The following DENND4C variants were observed in gnomAD, a reference collection of about 807,000 sequenced individuals.
The protein encoded by DENND4C is DENN domain containing 4C.
Under a neutral mutation model 203.0 loss-of-function variants are expected in DENND4C, and 108 were observed. The observed-to-expected ratio is 0.53, with a 90% CI of 0.46 to 0.62. The LOEUF is 0.62. Among genes scored for constraint, DENND4C ranks in the 20% least tolerant of loss-of-function variants. The probability of loss-of-function intolerance (pLI) is 0.00; values close to 1 mark genes in which losing one functional copy is unlikely to be tolerated. For missense variants in DENND4C, 2,481 were observed against 2,301.2 expected (o/e 1.08, Z -1.60); for synonymous variants, 871 against 792.4 (o/e 1.10, Z -1.67).
At position 19,326,091 on chromosome 9, in the gene DENND4C, A is replaced by G; in HGVS notation, c.2017A>G (p.Arg673Gly). Residue 673 changes from arginine to glycine, a missense_variant, in exon 15 of 33, where the codon AGA (arginine) becomes GGA (glycine). By Grantham distance (125) the Arg-to-Gly change is moderately radical. Around this residue, in one of 3 missense-constraint regions of DENND4C, gnomAD observed 2,289 missense variants for 2,113.3 expected, o/e 1.08. Coordinates refer to ENST00000434457, the MANE Select transcript of DENND4C (RefSeq NM_001330640.2). ...KVDFDSAEDT[R>G]LIELDDSQKS... ...TGATTTTGATTCAGCAGAAGATACC[A>G]GATTGATAGAACTAGATGATTCACA... 6.2e-7 allele frequency: 1 copy of G among 1,612,026 alleles called. No individual in the cohort carries two copies. The highest frequency in any genetic ancestry group is 1.1e-5 in the South Asian group (1 of 90,340).
At chr9:19,252,047 G>A (rs541606651) in intron 1 of DENND4C, among the ~76,000 whole-genome samples, 13 of 152,230 alleles carry the variant, frequency 8.5e-5, no homozygotes, top group African/African-American at 2.9e-4. Context: ...TACTGTATTA[G>A]TCTGTTCTCA....
rs1483957240 is a variant in DENND4C at position 19,341,057 on chromosome 9, G to C, written c.2947G>C (p.Val983Leu). 6.2e-7 allele frequency: 1 copy of C among 1,613,030 alleles called. No homozygotes were observed. The highest frequency in any genetic ancestry group is 1.3e-5 in the African/African-American group (1 of 74,990). Residue 983 changes from valine (V) to leucine (L), a missense_variant, in exon 21 of 33, where the codon GTG becomes CTG. Val to Leu is a conservative substitution (Grantham distance 32). This residue lies in a region of DENND4C where 2,289 missense variants were observed against 2,113.3 expected (regional missense o/e 1.08). Transcript: ENST00000434457. ...TATAAAGGATGATGCAGAAATTCAT[G>C]TGCCTGAAGAACAGGCAGCAAGAGA... ...ELIKDDAEIH[V>L]PEEQAARELI... is the part of the protein sequence containing the mutation.
At chr9:19,310,352 A>C (rs1208279314) in intron 10 of DENND4C, among the ~76,000 whole-genome samples, 2 of 152,218 alleles carry the variant, frequency 1.3e-5, no homozygotes, top group Admixed American at 6.5e-5. Context: ...AGTTTGTCAT[A>C]AAGTATGATT....
At chr9:19,304,063 C>G (rs1307943278) in intron 9 of DENND4C, among the ~76,000 whole-genome samples, 3 of 148,036 alleles carry the variant, frequency 2.0e-5, no homozygotes, top group East Asian at 3.9e-4. Context: ...AAAAAAAAAA[C>G]CCACAAATGA....
chr9:19,258,548 A>T (rs937390516), intron 1 of DENND4C, among the ~76,000 whole-genome samples: 4 of 152,226 alleles, frequency 2.6e-5, no homozygotes, highest in African/African-American at 9.6e-5. Flanking sequence ...TAACTTGAAA[A>T]TCAATGTAAT....
intron 5 of DENND4C, among the ~76,000 whole-genome samples, 179 bp downstream of exon 5, chr9:19,291,055 C>A (rs1167494683): frequency 1.3e-5 from 2 of 152,126 alleles, no homozygotes; most frequent in East Asian, 3.8e-4. Flanking sequence ...GATATTGATA[C>A]CTCTGGAACT....
chr9:19,366,472 CG>C (rs1467393999), intron 30 of DENND4C, among the ~76,000 whole-genome samples: 2 of 152,048 alleles, frequency 1.3e-5, no homozygotes, highest in African/African-American at 4.8e-5. Context: ...GGCGTGGTGG[CG>C]GGTACCTGTA....
chr9:19,319,347 T>TACAC (rs1389576345), intron 12 of DENND4C, among the ~76,000 whole-genome samples: 8 of 43,558 alleles, frequency 1.8e-4, no homozygotes, highest in East Asian at 1.1e-3. Context: ...CACATATATA[T>TACAC]ATACTTATAT....
rs140252609 is a variant in DENND4C, at chr9:19,298,107, G to A, written c.1092G>A (p.Pro364=). 5.3e-5 allele frequency: 85 copies of A among 1,609,222 alleles called. No homozygotes were observed. Among genetic ancestry groups the A allele is most frequent in the African/African-American group, 2.5e-4 (19 of 74,784 alleles). Residue 364 remains proline, a synonymous_variant, in exon 7 of 33, where the codon CCG becomes CCA. Transcript: ENST00000434457. ...TCCCTTTTCCTTCACCACAAAGACC[G>A]AGAATCCTTGTCCAGGTAATCAAAA... The part of the protein sequence containing the change: ...QNIPFPSPQR[P]RILVQLSVHD...
intron 31 of DENND4C, 89 bp downstream of exon 31, chr9:19,370,076 CGAA>C (rs1277855367): frequency 8.2e-6 from 12 of 1,455,152 alleles, no homozygotes; most frequent in South Asian, 3.5e-5. Context: ...CTCTAGTTGT[CGAA>C]GAAACACATA....
intron 1 of DENND4C, among the ~76,000 whole-genome samples, chr9:19,238,676 A>C (rs1227108746): frequency 9.5e-6 from 1 of 105,522 alleles, no homozygotes. Flanking sequence ...TTTTTGAGAC[A>C]GAATTTCGCT....
At chr9:19,369,008 A>C (rs999106019) in intron 30 of DENND4C, among the ~76,000 whole-genome samples, 5 of 149,684 alleles carry the variant, frequency 3.3e-5, no homozygotes, top group Middle Eastern at 7.4e-3. Flanking sequence ...AAATTAGCCA[A>C]CTGTGATGGT....
chr9:19,350,747 C>T lies in DENND4C; in HGVS notation c.4363C>T (p.His1455Tyr), dbSNP rs1823930025. Residue 1455 changes from histidine to tyrosine, a missense_variant, in exon 24 of 33, where the codon CAT (histidine) becomes TAT (tyrosine). Physicochemically the swap from His to Tyr is moderately conservative, Grantham distance 83. Around this residue, in one of 3 missense-constraint regions of DENND4C, gnomAD observed 2,289 missense variants for 2,113.3 expected, o/e 1.08. Transcript: ENST00000434457. ...DYSFPAGLED[H>Y]ILGENISPNT... The stretch of plus-strand genomic sequence containing the variant: ...CAGCTTCCCAGCTGGCCTAGAAGAC[C>T]ATATTTTGGGGGAGAATATATCGCC... 1.2e-6 allele frequency: 2 copies of T among 1,613,472 alleles called. No individual in the cohort carries two copies. Among genetic ancestry groups the T allele is most frequent in the African/African-American group, 1.3e-5 (1 of 74,738 alleles).
chr9:19,352,488 A>T lies in DENND4C; in HGVS notation c.4606-2A>T, dbSNP rs1352135818. The T allele has an allele frequency of 6.4e-7, 1 of 1,562,674 alleles. No individual in the cohort carries two copies. ...TCAGTGTCTGCATTTTTCTGTTTTT[A>T]GGTTTTGATGTCCAGTTGTTCACAG... On this transcript the variant is annotated splice_acceptor_variant, in intron 25 of 32. Transcript: ENST00000434457. LOFTEE classifies it high-confidence loss of function.
At chr9:19,251,737 G>A (rs991824753) in intron 1 of DENND4C, among the ~76,000 whole-genome samples, 1 of 152,198 alleles carries the variant, frequency 6.6e-6, no homozygotes. Flanking sequence ...TAGGACAGGA[G>A]CAAAATGCTG....
At chr9:19,264,839 T>G (rs545468626) in intron 1 of DENND4C, among the ~76,000 whole-genome samples, 5 of 152,204 alleles carry the variant, frequency 3.3e-5, no homozygotes, top group Admixed American at 2.0e-4. Context: ...TTGGGTTTGG[T>G]TTGCTTTTGC....
At chr9:19,311,658 G>C (rs749238895) in intron 10 of DENND4C, among the ~76,000 whole-genome samples, 13 of 152,048 alleles carry the variant, frequency 8.5e-5, no homozygotes, top group African/African-American at 1.4e-4. Context: ...CTTATTTAAT[G>C]CTTAAGCACC....
At chr9:19,364,679 G>A (rs574334879) in intron 30 of DENND4C, among the ~76,000 whole-genome samples, 80 of 152,194 alleles carry the variant, frequency 5.3e-4, no homozygotes, top group South Asian at 8.3e-4. Context: ...GATCACCTGA[G>A]GTCAGGAGTT....
chr9:19,373,685 G>T lies in DENND4C; in HGVS notation c.*1512G>T, dbSNP rs960173044. 6.6e-6 allele frequency: 1 copy of T among 152,394 alleles called. No homozygotes were observed. Among genetic ancestry groups the T allele is most frequent in the Non-Finnish European group, 1.5e-5 (1 of 67,988 alleles). The allele number at this position is 152,394 out of a possible 1,614,324, so 9.4% of individuals were successfully genotyped here. On this transcript the variant is annotated 3_prime_UTR_variant, in exon 33 of 33. Coordinates refer to ENST00000434457, the MANE Select transcript of DENND4C (RefSeq NM_001330640.2). ...GCCTTTTATTAAAAATATCCCTTAG[G>T]AACAGTAAGTTTGCCTTAACTCTCT...
Sources: gnomAD v4.1 joint callset for allele counts (sites outside exome capture counted in the v4.1 genomes callset) on GRCh38, gnomAD v4.1.1 for gene constraint, gnomAD v4.1.1 regional missense constraint, MANE v1.5 for transcripts, NCBI Gene and HGNC (gene_info 2026-07-23, HGNC 2026-07-21) for gene names.